ARIH2: variants seen among roughly 807,000 people sequenced by gnomAD.
ARIH2 encodes the protein E3 ubiquitin-protein ligase ARIH2.
Under a neutral mutation model 79.8 loss-of-function variants are expected in ARIH2, and 12 were observed. The ratio of observed to expected loss-of-function variants is 0.15; its 90% CI spans 0.10 to 0.24. ARIH2 has a LOEUF of 0.24. Among genes scored for constraint, ARIH2 ranks in the 10% least tolerant of loss-of-function variants. The pLI is 1.00. For missense variants in ARIH2, 301 were observed against 618.3 expected, an observed-to-expected ratio of 0.49 and a Z score of 5.44; for synonymous variants, 224 against 213.9, an observed-to-expected ratio of 1.05 and a Z score of -0.41.
chr3:48,962,262 AG>A (rs2091354989), intron 4 of ARIH2, among the ~76,000 whole-genome samples: 1 of 152,096 alleles, frequency 6.6e-6, no homozygotes, highest in Non-Finnish European at 1.5e-5. Flanking sequence ...CTGTAGTCCC[AG>A]CTACTCAGAA....
intron 3 of ARIH2, among the ~76,000 whole-genome samples, chr3:48,952,934 A>AT (rs150347723): frequency 5.0e-4 from 74 of 146,988 alleles, no homozygotes; most frequent in African/African-American, 1.1e-3. Flanking sequence ...ACTGTCAGCA[A>AT]TTTTTTTTTT....
At chr3:48,967,321 T>G (rs769683419) in intron 6 of ARIH2, 46 bp downstream of exon 6, 11 of 1,582,552 alleles carry the variant, frequency 7.0e-6, no homozygotes, top group Non-Finnish European at 9.5e-6. Context: ...GAAGTGTTTA[T>G]CTTTGACTCT....
In ARIH2 at chr3:48,940,808, A is replaced by AAAAAAT. The variant is rs759369585; in HGVS notation, c.255+12996_255+12997insAAAATA. 2.7e-3 allele frequency among the ~76,000 whole-genome samples: 265 copies of AAAAAAT among 98,038 alleles called. 3 individuals carry two copies. Among genetic ancestry groups the AAAAAAT allele is most frequent in the African/African-American group, 4.6e-3 (112 of 24,364 alleles). The allele number at this position is 98,038 out of a possible 152,430, so 64.3% of individuals were successfully genotyped here. On this transcript the variant is annotated intron_variant, in intron 3 of 15. Coordinates refer to ENST00000356401, the MANE Select transcript of ARIH2 (RefSeq NM_006321.4). The stretch of plus-strand genomic sequence containing the variant: ...AGACTCCGTCTCAAAAAAAAAAAAA[A>AAAAAAT]ATATATATATATATATATATAGCCA...
intron 3 of ARIH2, among the ~76,000 whole-genome samples, chr3:48,929,448 C>T (rs1190110562): frequency 6.6e-6 from 1 of 151,998 alleles, no homozygotes; most frequent in Non-Finnish European, 1.5e-5. Context: ...AAAGCTTTCC[C>T]TTCGCCGCCT....
At chr3:48,950,184 A>G (rs554267789) in intron 3 of ARIH2, among the ~76,000 whole-genome samples, 1 of 152,270 alleles carries the variant, frequency 6.6e-6, no homozygotes, top group Admixed American at 6.5e-5. Context: ...CCTTTGTTGA[A>G]AAGACTTTTT....
chr3:48,953,799 C>T (rs982952565), intron 3 of ARIH2, among the ~76,000 whole-genome samples: 4 of 151,940 alleles, frequency 2.6e-5, no homozygotes, highest in African/African-American at 4.8e-5. Flanking sequence ...TGGGCTCAAG[C>T]GATCCTCCTA....
At chr3:48,949,164 C>A (rs2089622700) in intron 3 of ARIH2, 2 of 452,120 alleles carry the variant, frequency 4.4e-6, no homozygotes, top group Non-Finnish European at 8.9e-6. Flanking sequence ...GTTGCCTAGG[C>A]TGGAGTGCAG....
At chr3:48,978,832 G>C (rs1413180983) in intron 11 of ARIH2, among the ~76,000 whole-genome samples, 1 of 151,722 alleles carries the variant, frequency 6.6e-6, no homozygotes, top group Non-Finnish European at 1.5e-5. Flanking sequence ...ATGTTGGCAG[G>C]CACCTGTAGT....
At chr3:48,927,860 A>G (rs754884636) in intron 3 of ARIH2, 47 bp downstream of exon 3, 2 of 1,594,820 alleles carry the variant, frequency 1.3e-6, no homozygotes, top group Non-Finnish European at 1.7e-6. Context: ...AGTTAAATCT[A>G]AGGATGAGCT....
chr3:48,934,578 G>A, intron 3 of ARIH2: 6 of 985,376 alleles, frequency 6.1e-6, no homozygotes, highest in Non-Finnish European at 7.2e-6. Context: ...TATCTAAGTA[G>A]AACTTAGGTT....
intron 3 of ARIH2, among the ~76,000 whole-genome samples, chr3:48,954,133 C>T (rs1299648766): frequency 6.6e-6 from 1 of 150,972 alleles, no homozygotes; most frequent in East Asian, 2.0e-4. Flanking sequence ...TGCATTCCAG[C>T]GTGGGGACAG....
Position 48,918,954 on chromosome 3 carries a change from G to A in ARIH2, c.-206G>A, listed in dbSNP as rs550168944. 164 of 1,526,092 alleles carry A rather than the reference G, an allele frequency of 1.1e-4. 1 individual carries two copies. The highest frequency in any genetic ancestry group is 1.3e-4 in the Non-Finnish European group (150 of 1,146,356). The allele number at this position is 1,526,092 out of a possible 1,614,324, so 94.5% of individuals were successfully genotyped here. A position where few individuals can be genotyped will look rare whatever the true frequency, so the allele number is the denominator to read the frequency against. On this transcript the variant is annotated 5_prime_UTR_variant, in exon 1 of 16. Coordinates refer to ENST00000356401, the MANE Select transcript of ARIH2 (RefSeq NM_006321.4). ...CGGTCCCTCTGGCCCGGCCTGACCCGGTCTGGCTTGTTCGGGCTCAGCGGC... is the reference window on the plus strand; with the variant it reads ...CGGTCCCTCTGGCCCGGCCTGACCCAGTCTGGCTTGTTCGGGCTCAGCGGC...
intron 1 of ARIH2, among the ~76,000 whole-genome samples, chr3:48,920,633 C>G (rs1405303085): frequency 1.4e-5 from 1 of 70,728 alleles, no homozygotes; most frequent in African/African-American, 4.5e-5. Context: ...GGGATTACAG[C>G]TGGGATTACA....
chr3:48,923,523 G>GTTTT (rs772701634), intron 2 of ARIH2, among the ~76,000 whole-genome samples: 1 of 139,084 alleles, frequency 7.2e-6, no homozygotes, highest in Non-Finnish European at 1.6e-5. Context: ...TATAGTGAGT[G>GTTTT]TTTTTTTTTT....
intron 7 of ARIH2, among the ~76,000 whole-genome samples, chr3:48,970,181 C>T (rs2092118598): frequency 3.9e-5 from 3 of 77,648 alleles, no homozygotes; most frequent in African/African-American, 1.3e-4. Context: ...CATGAGCCAC[C>T]GCGCCCGGCC....
intron 3 of ARIH2, among the ~76,000 whole-genome samples, chr3:48,950,126 C>A (rs1263227500): frequency 6.6e-6 from 1 of 151,990 alleles, no homozygotes; most frequent in Non-Finnish European, 1.5e-5. Context: ...GGTCTGTGTT[C>A]TGTGTTTTGT....
intron 5 of ARIH2, among the ~76,000 whole-genome samples, chr3:48,966,180 A>G (rs951791494): frequency 3.9e-5 from 6 of 152,202 alleles, no homozygotes. Context: ...TTTTTGAATG[A>G]GGGCCATGCT....
chr3:48,928,787 C>G (rs999252590), intron 3 of ARIH2, among the ~76,000 whole-genome samples: 5 of 151,064 alleles, frequency 3.3e-5, no homozygotes, highest in Non-Finnish European at 2.9e-5. Context: ...TTTAGATACT[C>G]AGGTCTTTAT....
In ARIH2 at chr3:48,984,779, A is replaced by C. The variant is rs1405031059; in HGVS notation, c.*1509A>C. The stretch of plus-strand genomic sequence containing the variant: ...TTTGGTATTCATACATTTCAGCTGC[A>C]AGTCAGCAATTTCCCAGGTACCATG... On this transcript the variant is annotated 3_prime_UTR_variant, in exon 16 of 16. Coordinates refer to ENST00000356401, the MANE Select transcript of ARIH2 (RefSeq NM_006321.4). The C allele has an allele frequency of 6.6e-6, 1 of 152,214 alleles. No homozygotes were observed. The highest frequency in any genetic ancestry group is 1.5e-5 in the Non-Finnish European group (1 of 68,036). The allele number at this position is 152,214 out of a possible 1,614,324, so 9.4% of individuals were successfully genotyped here. A position where few individuals can be genotyped will look rare whatever the true frequency, so the allele number is the denominator to read the frequency against.
Sources: gnomAD v4.1 joint callset for allele counts (sites outside exome capture counted in the v4.1 genomes callset) on GRCh38, gnomAD v4.1.1 for gene constraint, MANE v1.5 for transcripts, NCBI Gene and HGNC (gene_info 2026-07-23, HGNC 2026-07-21) for gene names.